The following PCDHA10 variants were observed in gnomAD, a reference collection of about 807,000 sequenced individuals.
PCDHA10 encodes protocadherin alpha 10, also known as protocadherin alpha-10.
PCDHA10 carries 45 observed loss-of-function variants against 61.2 expected under a neutral mutation model. The ratio of observed to expected loss-of-function variants is 0.74; its 90% CI spans 0.58 to 0.94. PCDHA10 has a LOEUF of 0.94. Ranked by LOEUF, PCDHA10 falls within the 40% of genes least tolerant of loss-of-function variation. PCDHA10 has a pLI of 0.00. For missense variants in PCDHA10, 1,278 were observed against 1,236.2 expected (o/e 1.03, Z -0.51); for synonymous variants, 602 against 548.8 (o/e 1.10, Z -1.35).
intron 1 of PCDHA10, among the ~76,000 whole-genome samples, chr5:140,893,651 A>G (rs1422431076): frequency 6.6e-6 from 1 of 152,106 alleles, no homozygotes; most frequent in Non-Finnish European, 1.5e-5. Context: ...TTTGGCTGAT[A>G]GTTTTAAAAA....
At chr5:140,895,292 C>T (rs1032250917) in intron 1 of PCDHA10, among the ~76,000 whole-genome samples, 11 of 152,044 alleles carry the variant, frequency 7.2e-5, no homozygotes, top group Non-Finnish European at 1.2e-4. Flanking sequence ...TTAGGACCTT[C>T]GATTTCCCCC....
chr5:140,881,259 C>T (rs1285019236), intron 1 of PCDHA10: 6 of 524,478 alleles, frequency 1.1e-5, no homozygotes, highest in Non-Finnish European at 9.8e-6. Flanking sequence ...AGGTTTTACT[C>T]AGTGATGATG....
intron 1 of PCDHA10, chr5:140,968,828 C>T (rs1404451202): frequency 6.2e-7 from 1 of 1,614,198 alleles, no homozygotes; most frequent in South Asian, 1.1e-5. Context: ...TTCCAAAATC[C>T]TCCCTGACAC....
In PCDHA10 at chr5:140,856,591, T is replaced by G. The variant is rs1554148896; in HGVS notation, c.543T>G (p.Ile181Met). 6.3e-7 allele frequency: 1 copy of G among 1,597,268 alleles called. No homozygotes were observed. Among genetic ancestry groups the G allele is most frequent in the African/African-American group, 1.3e-5 (1 of 74,290 alleles). The change falls in exon 1 of 4, where the codon ATT (isoleucine) becomes ATG (methionine). Residue 181 changes from isoleucine to methionine, a missense_variant. Coordinates refer to ENST00000307360, the MANE Select transcript of PCDHA10 (RefSeq NM_018901.4). The stretch of plus-strand genomic sequence containing the variant: ...CAAATGAGTATTTTGTTCTTGATAT[T>G]ATAAACAAAAAAGACAAAGACAAAT... ...LSPNEYFVLD[I>M]INKKDKDKFP... is the part of the protein sequence containing the mutation.
chr5:140,884,967 G>A (rs895578956), intron 1 of PCDHA10, among the ~76,000 whole-genome samples: 2 of 152,134 alleles, frequency 1.3e-5, no homozygotes, highest in African/African-American at 4.8e-5. Context: ...CTCACGTTGT[G>A]AGAACTTAAA....
Position 140,968,743 on chromosome 5 carries a change from C to T in PCDHA10, c.2389-10206C>T, listed in dbSNP as rs112674082. On this transcript the variant is annotated intron_variant, in intron 1 of 3. Coordinates refer to ENST00000307360, the MANE Select transcript of PCDHA10 (RefSeq NM_018901.4). ...AGAGTGGTAGCACTTTCAACCTGAC[C>T]GTGGTGGTCCGAGATAATGGAGAGC... is the stretch of plus-strand genomic sequence containing the variant. The T allele has an allele frequency of 3.4e-5, 55 of 1,614,060 alleles. No individual in the cohort carries two copies. In the African/African-American group the frequency reaches 5.1e-4, roughly 15 times the overall value.
chr5:140,882,856 G>A (rs1352769264), intron 1 of PCDHA10: 1 of 1,614,098 alleles, frequency 6.2e-7, no homozygotes, highest in African/African-American at 1.3e-5. Context: ...CACTTGTACT[G>A]AGGAAAACAC....
At chr5:140,876,039 T>C in intron 1 of PCDHA10, 1 of 1,613,746 alleles carries the variant, frequency 6.2e-7, no homozygotes, top group Non-Finnish European at 8.5e-7. Context: ...AAGATAAAAG[T>C]ATATTGCCTG....
intron 1 of PCDHA10, among the ~76,000 whole-genome samples, chr5:140,975,592 C>A (rs2096673847): frequency 6.6e-6 from 1 of 152,170 alleles, no homozygotes; most frequent in Non-Finnish European, 1.5e-5. Context: ...TCCCAGAGGG[C>A]AATTTGTTGA....
At chr5:140,970,152 A>G (rs899776182) in intron 1 of PCDHA10, among the ~76,000 whole-genome samples, 22 of 152,224 alleles carry the variant, frequency 1.4e-4, no homozygotes, top group Non-Finnish European at 2.5e-4. Flanking sequence ...AATTCTCCCA[A>G]TAGTCACCTT....
At chr5:140,930,527 A>C (rs73793525) in intron 1 of PCDHA10, 8,511 of 152,566 alleles carry the variant, frequency 0.056, 704 homozygotes, top group African/African-American at 0.18. Context: ...CTGGCCCTCA[A>C]ACTTCTTGAG....
At position 140,909,749 on chromosome 5, in the gene PCDHA10, C is replaced by G. The variant is rs141984152; in HGVS notation, c.2388+51313C>G. On this transcript the variant is annotated intron_variant, in intron 1 of 3. Coordinates refer to ENST00000307360, the MANE Select transcript of PCDHA10 (RefSeq NM_018901.4). ...ATGCATTCTGGCACTGGGGAAATGA[C>G]CACAGGATGAGTCCAGGGACCCACT... 2.0e-3 allele frequency among the ~76,000 whole-genome samples: 298 copies of G among 152,232 alleles called. 1 individual carries two copies. Among genetic ancestry groups the G allele is most frequent in the African/African-American group, 6.9e-3 (285 of 41,526 alleles).
intron 1 of PCDHA10, chr5:140,860,153 GTATATATATATGTA>G (rs1410832204): frequency 1.4e-5 from 2 of 147,972 alleles, no homozygotes; most frequent in Admixed American, 1.4e-4. Flanking sequence ...GTATATATGT[GTATATATATATGTA>G]TATATATATG....
At chr5:140,927,716 G>T (rs782756674) in intron 1 of PCDHA10, 1 of 1,614,190 alleles carries the variant, frequency 6.2e-7, no homozygotes, top group South Asian at 1.1e-5. Context: ...CTAAGCAACA[G>T]CACGCAAGCA....
At chr5:141,005,562 C>T (rs928721111) in intron 3 of PCDHA10, among the ~76,000 whole-genome samples, 2 of 151,226 alleles carry the variant, frequency 1.3e-5, no homozygotes, top group Admixed American at 6.6e-5. Flanking sequence ...ATTAGCCGGG[C>T]ATGGTGGCGC....
chr5:140,991,501 A>G (rs1223011478), intron 3 of PCDHA10, among the ~76,000 whole-genome samples: 1 of 152,216 alleles, frequency 6.6e-6, no homozygotes, highest in East Asian at 1.9e-4. Context: ...AGTGAGTTTC[A>G]CTGGCTAAAA....
chr5:140,964,531 C>T (rs781961669), intron 1 of PCDHA10, among the ~76,000 whole-genome samples: 4 of 152,058 alleles, frequency 2.6e-5, no homozygotes, highest in Non-Finnish European at 5.9e-5. Context: ...CTCTGAGCTG[C>T]GTGCAGAGAT....
intron 1 of PCDHA10, among the ~76,000 whole-genome samples, chr5:140,913,163 T>C (rs1248646454): frequency 1.3e-5 from 2 of 152,198 alleles, no homozygotes; most frequent in African/African-American, 4.8e-5. Context: ...AGGATTGGTA[T>C]TAGTTCTTCT....
At chr5:140,937,824 A>C (rs1229119616) in intron 1 of PCDHA10, among the ~76,000 whole-genome samples, 1 of 151,696 alleles carries the variant, frequency 6.6e-6, no homozygotes, top group African/African-American at 2.4e-5. Flanking sequence ...AGGCAGGAGA[A>C]TGGCATGAAC....
Sources: allele counts gnomAD v4.1 joint callset (sites outside exome capture counted in the v4.1 genomes callset), GRCh38; gene constraint gnomAD v4.1.1; transcripts MANE v1.5; gene names NCBI Gene and HGNC (gene_info 2026-07-23, HGNC 2026-07-21).